IL2RG: variants seen among roughly 807,000 people sequenced by gnomAD.
IL2RG encodes interleukin 2 receptor subunit gamma, also known as cytokine receptor common subunit gamma.
For missense variants in IL2RG, 205 were observed against 272.9 expected (o/e 0.75, Z 1.75); for synonymous variants, 111 against 108.5 (o/e 1.02, Z -0.15).
Position 71,110,625 on chromosome X carries a change from G to T in IL2RG, c.333C>A (p.Ile111=). 2 of 1,208,457 alleles carry T rather than the reference G, an allele frequency of 1.7e-6. No homozygotes were observed. The highest frequency in any genetic ancestry group is 2.2e-6 in the Non-Finnish European group (2 of 892,569). ...TTTTTTGCAACTGACAGCCAGAAGT[G>T]ATTTCTTCAGAGAATAGATAGTGGC... ...KCSHYLFSEE[I]TSGCQLQKKE... Residue 111 remains isoleucine, a synonymous_variant, in exon 3 of 8, where the codon ATC becomes ATA. Coordinates refer to ENST00000374202, the MANE Select transcript of IL2RG (RefSeq NM_000206.3).
chrX:71,108,578 C>T lies in IL2RG; in HGVS notation c.854+21G>A, dbSNP rs376087941. On this transcript the variant is annotated intron_variant, in intron 6 of 7. Coordinates refer to ENST00000374202, the MANE Select transcript of IL2RG (RefSeq NM_000206.3). ...GTCAGCTACCGTTCCCCTCATTTTT[C>T]TGGGCTTCTCCAAATCTCACCGTTC... 2.8e-4 allele frequency: 311 copies of T among 1,108,274 alleles called. 1 individual carries two copies. In the South Asian group the frequency reaches 5.6e-3, roughly 20 times the overall value. 91.3% of individuals were successfully genotyped at this position (1,108,274 alleles called of 1,213,427 possible). A position where few individuals can be genotyped will look rare whatever the true frequency, so the allele number is the denominator to read the frequency against.
At chrX:71,111,117 C>G (rs1480369257) in intron 1 of IL2RG, 67 bp from the exon 2 acceptor site, 1 of 1,026,997 alleles carries the variant, frequency 9.7e-7, no homozygotes, top group Non-Finnish European at 1.3e-6. Context: ...GGAGGCCAAG[C>G]ACGGTGGCTC....
chrX:71,109,331 G>C lies in IL2RG; in HGVS notation c.654C>G (p.Arg218=), dbSNP rs1318183247. Residue 218 remains arginine (R), a synonymous_variant, in exon 5 of 8, where the codon CGC becomes CGG. Transcript: ENST00000374202. ...AGCGGCTCCGAACACGAAACGTGTA[G>C]CGTTTCTGCCCATCCACACTAGGCA... The part of the protein sequence containing the change: ...FSLPSVDGQK[R]YTFRVRSRFN... The C allele has an allele frequency of 8.3e-7, 1 of 1,209,132 alleles. No homozygotes were observed. The highest frequency in any genetic ancestry group is 1.1e-6 in the Non-Finnish European group (1 of 892,812).
At chrX:71,109,546 A>AG (rs2092258664) in intron 4 of IL2RG, among the ~76,000 whole-genome samples, 156 bp from the exon 5 acceptor site, 1 of 111,635 alleles carries the variant, frequency 9.0e-6, no homozygotes, top group Non-Finnish European at 1.9e-5. Context: ...CACTGACTTG[A>AG]ATCTAATGCC....
Position 71,107,515 on chromosome X carries a change from A to G in IL2RG, c.*221T>C, listed in dbSNP as rs191726889. ...GGGAGGGAGGAAGAATCCTGCGAAA[A>G]GGAAGGGCCAGACTGAGGGAGAAGA... On this transcript the variant is annotated 3_prime_UTR_variant, in exon 8 of 8. Coordinates refer to ENST00000374202, the MANE Select transcript of IL2RG (RefSeq NM_000206.3). The G allele has an allele frequency of 1.0e-5, 3 of 299,362 alleles. No homozygotes were observed. The Admixed American group carries it at 1.8e-4, about 18-fold the overall frequency. 24.7% of individuals were successfully genotyped at this position (299,362 alleles called of 1,213,427 possible). A position where few individuals can be genotyped will look rare whatever the true frequency, so the allele number is the denominator to read the frequency against.
chrX:71,108,489 T>C (rs1442229977), intron 6 of IL2RG, 110 bp downstream of exon 6: 1 of 694,143 alleles, frequency 1.4e-6, no homozygotes, highest in Non-Finnish European at 2.3e-6. Flanking sequence ...TCTTGGGTAA[T>C]CTCTCATTAC....
chrX:71,110,762 T>A lies in IL2RG; in HGVS notation c.270-74A>T, dbSNP rs1333391215. ...TACTGCAGATATCCAGAGCCTAGCC[T>A]CATCTCCCCTCAACCGACTTATGAC... On this transcript the variant is annotated intron_variant, in intron 2 of 7. Coordinates refer to ENST00000374202, the MANE Select transcript of IL2RG (RefSeq NM_000206.3). 1.3e-5 allele frequency: 14 copies of A among 1,076,547 alleles called. No individual in the cohort carries two copies. The African/African-American group carries it at 2.2e-4, about 17-fold the overall frequency. 88.7% of individuals were successfully genotyped at this position (1,076,547 alleles called of 1,213,427 possible).
chrX:71,107,827 C>G lies in IL2RG; in HGVS notation c.1019G>C (p.Gly340Ala). Residue 340 changes from glycine to alanine, a missense_variant, in exon 8 of 8, where the codon GGG becomes GCG. Coordinates refer to ENST00000374202, the MANE Select transcript of IL2RG (RefSeq NM_000206.3). ...GGCCCCAGGCCCCTCCCCAAGGGCC[C>G]CTCCTTTTGGGGGAATCTCACTGAC... is the stretch of plus-strand genomic sequence containing the variant. ...CLVSEIPPKG[G>A]ALGEGPGASP... is the part of the protein sequence containing the mutation. 1 of 1,203,719 alleles carries G rather than the reference C, an allele frequency of 8.3e-7. No homozygotes were observed. Among genetic ancestry groups the G allele is most frequent in the Non-Finnish European group, 1.1e-6 (1 of 890,034 alleles).
rs1256746654 is a variant in IL2RG at position 71,111,005 on chromosome X, G to A, written c.161C>T (p.Thr54Ile). Residue 54 changes from threonine (T) to isoleucine (I), a missense_variant, in exon 2 of 8, where the codon ACT (threonine) becomes ATT (isoleucine). Physicochemically the swap from Thr to Ile is moderately conservative, Grantham distance 89. Transcript: ENST00000374202. ...TMPTDSLSVS[T>I]LPLPEVQCFV... The stretch of plus-strand genomic sequence containing the variant: ...ACACTGAACCTCTGGGAGGGGCAGA[G>A]TGGAAACACTGAGGGAGTCAGTGGG... 1 of 1,206,166 alleles carries A rather than the reference G, an allele frequency of 8.3e-7. No individual in the cohort carries two copies. Among genetic ancestry groups the A allele is most frequent in the East Asian group, 3.0e-5 (1 of 33,724 alleles).
In IL2RG at chrX:71,108,289, G is replaced by A. The variant is rs145282692; in HGVS notation, c.912C>T (p.His304=). ...KNLEDLVTEY[H]GNFSAWSGVS... ...ACAGCGTTCTCACCGAAAAGTTCCC[G>A]TGGTATTCAGTAACAAGATCCTCTA... Residue 304 remains histidine (H), a synonymous_variant, in exon 7 of 8, where the codon CAC becomes CAT. Transcript: ENST00000374202. The A allele has an allele frequency of 3.6e-5, 43 of 1,200,197 alleles. No homozygotes were observed. Among genetic ancestry groups the A allele is most frequent in the African/African-American group, 1.8e-4 (10 of 56,864 alleles).
chrX:71,110,471 C>T lies in IL2RG; in HGVS notation c.454+33G>A, dbSNP rs760029502. The T allele has an allele frequency of 2.1e-5, 25 of 1,181,623 alleles. No individual in the cohort carries two copies. In the South Asian group the frequency reaches 4.1e-4, roughly 19 times the overall value. ...TGTAGACTCCAATGTCCCACAGTAT[C>T]CCTGGTCTCTTGACCCTTTCTTTCC... On this transcript the variant is annotated intron_variant, in intron 3 of 7. Coordinates refer to ENST00000374202, the MANE Select transcript of IL2RG (RefSeq NM_000206.3).
chrX:71,110,837 T>C, intron 2 of IL2RG, 60 bp downstream of exon 2: 1 of 1,165,800 alleles, frequency 8.6e-7, no homozygotes, highest in Non-Finnish European at 1.2e-6. Context: ...CTACCCTCTC[T>C]CTTGGTCTCT....
In IL2RG at chrX:71,109,344, T is replaced by C; in HGVS notation, c.641A>G (p.Asp214Gly). 1 of 1,210,753 alleles carries C rather than the reference T, an allele frequency of 8.3e-7. No homozygotes were observed. Among genetic ancestry groups the C allele is most frequent in the Non-Finnish European group, 1.1e-6 (1 of 894,347 alleles). Residue 214 changes from aspartate to glycine, a missense_variant, in exon 5 of 8, where the codon GAT becomes GGT. Transcript: ENST00000374202. ...YRHKFSLPSV[D>G]GQKRYTFRVR... ...ACGAAACGTGTAGCGTTTCTGCCCATCCACACTAGGCAAGGAGAACTTATG... is the reference window on the plus strand; with the variant it reads ...ACGAAACGTGTAGCGTTTCTGCCCACCCACACTAGGCAAGGAGAACTTATG...
rs2092261747 is a variant in IL2RG at position 71,110,692 on chromosome X, G to C, written c.270-4C>G. On this transcript the variant is annotated splice_region_variant and splice_polypyrimidine_tract_variant and intron_variant, in intron 2 of 7. Coordinates refer to ENST00000374202, the MANE Select transcript of IL2RG (RefSeq NM_000206.3). Reference sequence around the variant, plus strand: ...ATCATTATCCGAGTTCTTGTACCTAGAGGAGAAAGGTTGGAAGGAAGAGGA... The same window carrying C: ...ATCATTATCCGAGTTCTTGTACCTACAGGAGAAAGGTTGGAAGGAAGAGGA... 1 of 1,202,750 alleles carries C rather than the reference G, an allele frequency of 8.3e-7. No individual in the cohort carries two copies. Among genetic ancestry groups the C allele is most frequent in the Admixed American group, 2.2e-5 (1 of 45,981 alleles).
intron 5 of IL2RG, among the ~76,000 whole-genome samples, chrX:71,108,953 G>A (rs1458839106): frequency 8.9e-6 from 1 of 112,366 alleles, no homozygotes; most frequent in Non-Finnish European, 1.9e-5. Flanking sequence ...TCACCTTGCA[G>A]GCTCTCTAGG....
intron 1 of IL2RG, 137 bp downstream of exon 1, chrX:71,111,288 T>C: frequency 3.5e-6 from 3 of 863,190 alleles, no homozygotes; most frequent in Non-Finnish European, 4.9e-6. Context: ...CAGGGAACCC[T>C]CCCCCTTGCC....
intron 7 of IL2RG, 131 bp downstream of exon 7, chrX:71,108,146 G>A (rs1350425481): frequency 1.4e-5 from 8 of 570,100 alleles, no homozygotes; most frequent in East Asian, 1.0e-4. Context: ...CCATTTGGTC[G>A]GCCACATCCT....
At position 71,110,625 on chromosome X, in the gene IL2RG, G is replaced by A. The variant is rs1373609177; in HGVS notation, c.333C>T (p.Ile111=). 3.3e-6 allele frequency: 4 copies of A among 1,208,457 alleles called. No individual in the cohort carries two copies. The highest frequency in any genetic ancestry group is 2.2e-6 in the Non-Finnish European group (2 of 892,569). The change falls in exon 3 of 8, where the codon ATC becomes ATT. Residue 111 remains isoleucine, a synonymous_variant. Coordinates refer to ENST00000374202, the MANE Select transcript of IL2RG (RefSeq NM_000206.3). The stretch of plus-strand genomic sequence containing the variant: ...TTTTTTGCAACTGACAGCCAGAAGT[G>A]ATTTCTTCAGAGAATAGATAGTGGC... The part of the protein sequence containing the change: ...KCSHYLFSEE[I]TSGCQLQKKE...
chrX:71,109,504 T>C, intron 4 of IL2RG, 114 bp from the exon 5 acceptor site: 1 of 702,710 alleles, frequency 1.4e-6, no homozygotes, highest in Non-Finnish European at 2.2e-6. Flanking sequence ...TTCTCTCTCA[T>C]CTCTTGACTA....
Sources: allele counts gnomAD v4.1 joint callset (sites outside exome capture counted in the v4.1 genomes callset), GRCh38; gene constraint gnomAD v4.1.1; transcripts MANE v1.5; gene names NCBI Gene and HGNC (gene_info 2026-07-23, HGNC 2026-07-21).